The following ROS1 variants were observed in gnomAD, a reference collection of about 807,000 sequenced individuals.
The protein encoded by ROS1 is proto-oncogene tyrosine-protein kinase ROS.
In ROS1, 263 loss-of-function variants were observed where a neutral mutation model predicts 273.5. That is an observed-to-expected ratio of 0.96 (90% CI 0.87 to 1.06). The LOEUF (loss-of-function observed/expected upper bound fraction) is 1.06. Ranked by LOEUF, ROS1 falls within the 50% of genes least tolerant of loss-of-function variation. The pLI, the probability that ROS1 is intolerant of heterozygous loss-of-function variation, is 0.00. For synonymous variants in ROS1, 1,008 were observed against 954.1 expected (o/e 1.06, Z -1.04); for missense variants, 2,833 against 2,751.1 (o/e 1.03, Z -0.67).
At chr6:117,333,768 G>A (rs1435800166) in intron 32 of ROS1, among the ~76,000 whole-genome samples, 5 of 152,058 alleles carry the variant, frequency 3.3e-5, no homozygotes, top group African/African-American at 9.7e-5. Context: ...TGCAGAAAAG[G>A]CCTTTGATAA....
intron 25 of ROS1, 132 bp downstream of exon 25, chr6:117,357,672 A>C: frequency 1.6e-6 from 1 of 618,578 alleles, no homozygotes; most frequent in South Asian, 2.1e-5. Flanking sequence ...TACTTACTAT[A>C]ATATAGTGGG....
At chr6:117,340,950 C>G (rs1003959586) in intron 31 of ROS1, among the ~76,000 whole-genome samples, 185 bp downstream of exon 31, 14 of 152,104 alleles carry the variant, frequency 9.2e-5, no homozygotes, top group African/African-American at 3.1e-4. Flanking sequence ...GCAAATTAAT[C>G]TCCCTGAGAA....
chr6:117,423,431 A>G (rs1775904261), intron 1 of ROS1, among the ~76,000 whole-genome samples: 1 of 152,238 alleles, frequency 6.6e-6, no homozygotes, highest in South Asian at 2.1e-4. Flanking sequence ...TCCACAAATG[A>G]TTCAACCGTG....
intron 43 of ROS1, among the ~76,000 whole-genome samples, chr6:117,296,370 T>C (rs1322484686): frequency 6.6e-6 from 1 of 151,292 alleles, no homozygotes; most frequent in Non-Finnish European, 1.5e-5. Context: ...CATTGCTTTC[T>C]GGTCTGAGGG....
At chr6:117,420,384 A>C (rs767071114) in intron 1 of ROS1, among the ~76,000 whole-genome samples, 13 of 137,854 alleles carry the variant, frequency 9.4e-5, no homozygotes, top group Non-Finnish European at 1.5e-4. Flanking sequence ...TGCCCACCTC[A>C]GGCAGAACTA....
intron 18 of ROS1, among the ~76,000 whole-genome samples, chr6:117,372,858 A>G (rs890568804): frequency 2.0e-5 from 3 of 152,230 alleles, no homozygotes; most frequent in African/African-American, 7.2e-5. Flanking sequence ...GGGTTGCCAC[A>G]GCTGGCTTGG....
At chr6:117,400,045 C>T (rs909006281) in intron 7 of ROS1, among the ~76,000 whole-genome samples, 3 of 152,178 alleles carry the variant, frequency 2.0e-5, no homozygotes, top group African/African-American at 7.2e-5. Flanking sequence ...AGTCTGCCTT[C>T]CCAGTGTTAT....
At chr6:117,323,593 T>C (rs1224978408) in intron 35 of ROS1, among the ~76,000 whole-genome samples, 2 of 152,168 alleles carry the variant, frequency 1.3e-5, no homozygotes, top group Non-Finnish European at 2.9e-5. Context: ...GAAAGTGCTA[T>C]TATTATTTGT....
Position 117,288,581 on chromosome 6 carries a change from T to C in ROS1, c.6937A>G (p.Lys2313Glu), listed in dbSNP as rs2128520731. The change falls in exon 44 of 44, where the codon AAA becomes GAA. Residue 2313 changes from lysine (K) to glutamate (E), a missense_variant. Physicochemically the swap from Lys to Glu is moderately conservative, Grantham distance 56. Transcript: ENST00000368507. The part of the protein sequence containing the change: ...PHADKDFCQE[K>E]QVAYCPSGKP... ...CCAGAAGGGCAGTAAGCCACTTGTT[T>C]TTCTTGGCAGAAATCTTTGTCTGCA... is the stretch of plus-strand genomic sequence containing the variant. 1 of 1,614,162 alleles carries C rather than the reference T, an allele frequency of 6.2e-7. No individual in the cohort carries two copies. The highest frequency in any genetic ancestry group is 1.3e-5 in the African/African-American group (1 of 75,054).
intron 28 of ROS1, 57 bp downstream of exon 28, chr6:117,344,003 T>C: frequency 6.8e-7 from 1 of 1,464,266 alleles, no homozygotes; most frequent in East Asian, 2.3e-5. Context: ...GGCTCATAAT[T>C]TTATATCAAA....
Position 117,404,321 on chromosome 6 carries a change from A to G in ROS1, c.424T>C (p.Trp142Arg), listed in dbSNP as rs201807486. The G allele has an allele frequency of 1.6e-4, 262 of 1,613,916 alleles. 1 individual carries two copies. In the East Asian group the frequency reaches 5.7e-3, roughly 35 times the overall value. Residue 142 changes from tryptophan (W) to arginine (R), a missense_variant, in exon 6 of 44, where the codon TGG (tryptophan) becomes CGG (arginine). Coordinates refer to ENST00000368507, the MANE Select transcript of ROS1 (RefSeq NM_001378902.1). Reference protein sequence around the residue: ...NFSGVKYIIQWKYAQLLGSWT... With the variant: ...NFSGVKYIIQRKYAQLLGSWT... ...CTTCCCAGAAGTTGTGCATATTTCC[A>G]CTGAATGATGTATTTTACTCCAGAG...
chr6:117,351,326 G>T (rs144038828), intron 27 of ROS1, among the ~76,000 whole-genome samples: 1 of 152,116 alleles, frequency 6.6e-6, no homozygotes, highest in Non-Finnish European at 1.5e-5. Flanking sequence ...GATAAAACCC[G>T]AGCAGGTCCA....
At chr6:117,387,714 T>G in intron 14 of ROS1, 66 bp downstream of exon 14, 5 of 1,529,762 alleles carry the variant, frequency 3.3e-6, no homozygotes, top group Non-Finnish European at 3.5e-6. Flanking sequence ...GCAAGGAAAT[T>G]TAAAGGGCAC....
rs1160315083 is a variant in ROS1 at position 117,396,910 on chromosome 6, C to T, written c.806+5G>A. ...ACATTTTCCTCTGTATCACTTAATT[C>T]TTACCTGTAGATAGTATTTGGTAAA... On this transcript the variant is annotated splice_donor_5th_base_variant and intron_variant, in intron 8 of 43. Coordinates refer to ENST00000368507, the MANE Select transcript of ROS1 (RefSeq NM_001378902.1). 6.3e-7 allele frequency: 1 copy of T among 1,598,164 alleles called. No individual in the cohort carries two copies. Among genetic ancestry groups the T allele is most frequent in the African/African-American group, 1.3e-5 (1 of 74,662 alleles).
chr6:117,374,307 A>G (rs1034767503), intron 18 of ROS1, among the ~76,000 whole-genome samples: 3 of 152,230 alleles, frequency 2.0e-5, no homozygotes, highest in African/African-American at 7.2e-5. Flanking sequence ...ATATCAAAGT[A>G]ACAAAATAGA....
intron 24 of ROS1, 60 bp downstream of exon 24, chr6:117,359,749 G>T: frequency 7.5e-7 from 1 of 1,339,422 alleles, no homozygotes. Flanking sequence ...TAACTACAAA[G>T]TAGTGTCATA....
intron 7 of ROS1, among the ~76,000 whole-genome samples, chr6:117,402,862 T>A (rs1407323353): frequency 7.3e-6 from 1 of 136,578 alleles, no homozygotes; most frequent in Non-Finnish European, 1.5e-5. Context: ...CATTCCAGCC[T>A]GGGCAACAGA....
intron 21 of ROS1, 24 bp from the exon 22 acceptor site, chr6:117,362,889 A>G: frequency 5.1e-6 from 8 of 1,569,310 alleles, no homozygotes; most frequent in Non-Finnish European, 6.0e-6. Context: ...GCACAGGTAG[A>G]GCAGAAAAGA....
intron 43 of ROS1, among the ~76,000 whole-genome samples, chr6:117,292,394 T>G (rs1773903475): frequency 6.6e-6 from 1 of 152,198 alleles, no homozygotes; most frequent in Non-Finnish European, 1.5e-5. Context: ...TTTACCTCTC[T>G]GCAGCATTTG....
Sources: gnomAD v4.1 joint callset for allele counts (sites outside exome capture counted in the v4.1 genomes callset) on GRCh38, gnomAD v4.1.1 for gene constraint, MANE v1.5 for transcripts, NCBI Gene and HGNC (gene_info 2026-07-23, HGNC 2026-07-21) for gene names.